Variants in ALDH1L1 observed in about 807,000 individuals in gnomAD.
ALDH1L1 encodes aldehyde dehydrogenase 1 family member L1.
ALDH1L1 carries 68 observed loss-of-function variants against 101.1 expected under a neutral mutation model. That is an observed-to-expected ratio of 0.67 (90% CI 0.55 to 0.82). The LOEUF is 0.82. Ranked by LOEUF, ALDH1L1 falls within the 40% of genes least tolerant of loss-of-function variation. The probability of loss-of-function intolerance (pLI) is 0.00; values close to 1 mark genes in which losing one functional copy is unlikely to be tolerated. For synonymous variants in ALDH1L1, 486 were observed against 470.8 expected (o/e 1.03, Z -0.42); for missense variants, 1,087 against 1,172.7 (o/e 0.93, Z 1.07).
At position 126,119,615 on chromosome 3, in the gene ALDH1L1, T is replaced by C. The variant is rs146492972; in HGVS notation, c.1889-1517A>G. ...GTTTGGCAGGTTTGGAATAAGACCC[T>C]TGTATCCTCCCTCTATATACAGTTA... is the stretch of plus-strand genomic sequence containing the variant. On this transcript the variant is annotated intron_variant, in intron 16 of 22. Coordinates refer to ENST00000393434, the MANE Select transcript of ALDH1L1 (RefSeq NM_012190.4). 3.3e-5 allele frequency among the ~76,000 whole-genome samples: 5 copies of C among 152,296 alleles called. No individual in the cohort carries two copies. In the East Asian group the frequency reaches 9.6e-4, roughly 29 times the overall value.
At chr3:126,153,153 T>G in intron 7 of ALDH1L1, 4 of 453,112 alleles carry the variant, frequency 8.8e-6, no homozygotes, top group East Asian at 4.5e-5. Context: ...TTCTCTCTGA[T>G]TCTAGGTTGC....
chr3:126,130,074 G>C (rs1250355100), intron 14 of ALDH1L1, 149 bp downstream of exon 14: 1 of 603,880 alleles, frequency 1.7e-6, no homozygotes, highest in Non-Finnish European at 2.6e-6. Context: ...AACAATGCCT[G>C]GCATGGAGCA....
intron 1 of ALDH1L1, among the ~76,000 whole-genome samples, chr3:126,164,208 T>C (rs186307394): frequency 2.2e-4 from 34 of 152,252 alleles, no homozygotes; most frequent in Non-Finnish European, 4.4e-4. Context: ...GAAATATTGA[T>C]GTGTCAAATA....
intron 17 of ALDH1L1, 107 bp downstream of exon 17, chr3:126,117,898 C>CTG: frequency 8.9e-7 from 1 of 1,129,216 alleles, no homozygotes; most frequent in East Asian, 2.5e-5. Context: ...ACGGAAGTGG[C>CTG]TGTGCCCTGG....
rs1945755162 is a variant in ALDH1L1 at position 126,103,671 on chromosome 3, G to A, written c.*120C>T. The A allele has an allele frequency of 9.7e-7, 1 of 1,029,206 alleles. No individual in the cohort carries two copies. Among genetic ancestry groups the A allele is most frequent in the Non-Finnish European group, 1.5e-6 (1 of 688,174 alleles). The allele number at this position is 1,029,206 out of a possible 1,614,324, so 63.8% of individuals were successfully genotyped here. A position where few individuals can be genotyped will look rare whatever the true frequency, so the allele number is the denominator to read the frequency against. On this transcript the variant is annotated 3_prime_UTR_variant, in exon 23 of 23. Transcript: ENST00000393434. ...GGCGTCCAAGATGCAGACATGGTGT[G>A]CAGGCAGGAGGGCTTCCACTAGCCC... is the stretch of plus-strand genomic sequence containing the variant.
chr3:126,147,683 C>T (rs781039150), intron 8 of ALDH1L1, among the ~76,000 whole-genome samples: 2 of 152,170 alleles, frequency 1.3e-5, no homozygotes, highest in Non-Finnish European at 2.9e-5. Context: ...TGGATGAACT[C>T]CAGGCCATTG....
chr3:126,118,574 T>A (rs1017440979), intron 16 of ALDH1L1, among the ~76,000 whole-genome samples: 3 of 152,110 alleles, frequency 2.0e-5, no homozygotes, highest in Admixed American at 6.5e-5. Context: ...GATAACCATC[T>A]GTTTCTGAAG....
chr3:126,155,533 A>G, intron 4 of ALDH1L1, 30 bp from the exon 5 acceptor site: 2 of 1,592,450 alleles, frequency 1.3e-6, no homozygotes, highest in Non-Finnish European at 8.6e-7. Context: ...TGCTATCCCC[A>G]GCAATAGGAC....
intron 1 of ALDH1L1, among the ~76,000 whole-genome samples, chr3:126,188,414 C>G (rs766490052): frequency 6.6e-6 from 1 of 152,170 alleles, no homozygotes; most frequent in Non-Finnish European, 1.5e-5. Context: ...GGAACCAATG[C>G]CTTGCAGATA....
rs1946129573 is a variant in ALDH1L1, at chr3:126,112,964, C to T, written c.2083-84G>A. The T allele has an allele frequency of 4.7e-6, 6 of 1,283,974 alleles. No individual in the cohort carries two copies. In the Admixed American group the frequency reaches 5.5e-5, roughly 12 times the overall value. The allele number at this position is 1,283,974 out of a possible 1,614,324, so 79.5% of individuals were successfully genotyped here. ...CTCTGCCAGGGCCCAGCCGCCTCTT[C>T]TAATTAGGAAAGGAGGCACCCATGT... On this transcript the variant is annotated intron_variant, in intron 18 of 22. Transcript: ENST00000393434.
At chr3:126,135,909 G>T (rs906539206) in intron 11 of ALDH1L1, among the ~76,000 whole-genome samples, 2 of 152,224 alleles carry the variant, frequency 1.3e-5, no homozygotes, top group Non-Finnish European at 2.9e-5. Context: ...CCTGCCCTGA[G>T]TGTGCCATCC....
intron 13 of ALDH1L1, 73 bp from the exon 14 acceptor site, chr3:126,130,366 C>T (rs1188353190): frequency 1.2e-5 from 16 of 1,363,254 alleles, no homozygotes; most frequent in Non-Finnish European, 1.5e-5. Context: ...AGCAAGTCTC[C>T]ACCAGGGTCT....
chr3:126,127,250 G>A (rs537204777), intron 14 of ALDH1L1, among the ~76,000 whole-genome samples: 1 of 152,306 alleles, frequency 6.6e-6, no homozygotes, highest in African/African-American at 2.4e-5. Flanking sequence ...GAGCAGGGCT[G>A]CAGGACCCAG....
At chr3:126,146,804 T>C in intron 9 of ALDH1L1, 31 bp downstream of exon 9, 1 of 1,606,990 alleles carries the variant, frequency 6.2e-7, no homozygotes, top group East Asian at 2.2e-5. Context: ...ACCAAGTACC[T>C]GGGACAGGAC....
chr3:126,197,216 A>G (rs1405903143), intron 1 of ALDH1L1, among the ~76,000 whole-genome samples: 2 of 152,186 alleles, frequency 1.3e-5, no homozygotes, highest in African/African-American at 4.8e-5. Context: ...ATCTTTAGTA[A>G]CGTTTCGCTG....
intron 14 of ALDH1L1, among the ~76,000 whole-genome samples, chr3:126,127,618 C>T (rs544694481): frequency 2.0e-4 from 30 of 152,268 alleles, no homozygotes; most frequent in Non-Finnish European, 3.1e-4. Context: ...GGCCAGGGTG[C>T]GGCTGAAGAC....
rs371570045 is a variant in ALDH1L1, at chr3:126,158,594, C to T, written c.173G>A (p.Arg58Gln). ...CAAAGCCTGTCCTTTTGCACGCCAC[C>T]GGGAGTACTTGAATACCGGCACTCC... ...KDGVPVFKYS[R>Q]WRAKGQALPD... Residue 58 changes from arginine to glutamine, a missense_variant, in exon 3 of 23, where the codon CGG becomes CAG. Physicochemically the swap from Arg to Gln is conservative, Grantham distance 43. This residue lies in a region of ALDH1L1 where 645 missense variants were observed against 637.0 expected (regional missense o/e 1.01). Coordinates refer to ENST00000393434, the MANE Select transcript of ALDH1L1 (RefSeq NM_012190.4). 12 of 1,613,936 alleles carry T rather than the reference C, an allele frequency of 7.4e-6. No homozygotes were observed. The highest frequency in any genetic ancestry group is 6.7e-5 in the Admixed American group (4 of 60,004).
chr3:126,118,007 T>C lies in ALDH1L1; in HGVS notation c.1980A>G (p.Lys660=), dbSNP rs561481995. The C allele has an allele frequency of 6.2e-7, 1 of 1,613,392 alleles. No individual in the cohort carries two copies. The highest frequency in any genetic ancestry group is 1.1e-5 in the South Asian group (1 of 90,850). The change falls in exon 17 of 23, where the codon AAA becomes AAG. Residue 660 remains lysine, a splice_region_variant and synonymous_variant. Transcript: ENST00000393434. ...CTGCTCCACCCCCAGCCACGCACCT[T>C]TTCATGATGTGCTTGCCCACCTCTG... is the stretch of plus-strand genomic sequence containing the variant. ...GSTEVGKHIM[K]SCAISNVKKV... is the part of the protein sequence containing the mutation.
intron 16 of ALDH1L1, among the ~76,000 whole-genome samples, chr3:126,122,072 A>T (rs76494832): frequency 0.019 from 2,934 of 152,318 alleles, 96 homozygotes; most frequent in African/African-American, 0.065. Flanking sequence ...GTCAACCCAG[A>T]ATCTTACATC....
Sources: allele counts gnomAD v4.1 joint callset (sites outside exome capture counted in the v4.1 genomes callset), GRCh38; gene constraint gnomAD v4.1.1; regional missense constraint gnomAD v4.1.1; transcripts MANE v1.5; gene names NCBI Gene and HGNC (gene_info 2026-07-23, HGNC 2026-07-21).